The following PIK3CD variants were observed in gnomAD, a reference collection of about 807,000 sequenced individuals.
The protein encoded by PIK3CD is phosphatidylinositol 4,5-bisphosphate 3-kinase catalytic subunit delta isoform.
Under a neutral mutation model 122.9 loss-of-function variants are expected in PIK3CD, and 20 were observed. The observed-to-expected ratio is 0.16, with a 90% CI of 0.11 to 0.24. The LOEUF is 0.24. Among genes scored for constraint, PIK3CD ranks in the 10% least tolerant of loss-of-function variants. The pLI is 1.00. For missense variants in PIK3CD, 787 were observed against 1,406.3 expected (o/e 0.56, Z 7.04); for synonymous variants, 596 against 593.4 (o/e 1.00, Z -0.06).
chr1:9,711,792 G>A (rs951028264), intron 3 of PIK3CD, among the ~76,000 whole-genome samples: 1 of 152,108 alleles, frequency 6.6e-6, no homozygotes, highest in Non-Finnish European at 1.5e-5. Flanking sequence ...ATGTTGCCCA[G>A]GCTAGAATGT....
Position 9,716,024 on chromosome 1 carries a change from C to T in PIK3CD, c.546C>T (p.Thr182=). The T allele has an allele frequency of 2.5e-6, 4 of 1,612,646 alleles. No homozygotes were observed. The highest frequency in any genetic ancestry group is 3.4e-6 in the Non-Finnish European group (4 of 1,179,960). Residue 182 remains threonine, a synonymous_variant, in exon 5 of 24, where the codon ACC becomes ACT. Transcript: ENST00000377346. ...EPSAQTWGPG[T]LRLPNRALLV... is the part of the protein sequence containing the mutation. ...CGGCTCAAACCTGGGGGCCTGGTAC[C>T]CTGCGGCTCCCGAACCGGGCCCTTC... is the stretch of plus-strand genomic sequence containing the variant.
At chr1:9,643,637 G>A in the PIK3CD span, among the ~76,000 whole-genome samples, 1 of 152,160 alleles carries the variant, frequency 6.6e-6, no homozygotes, top group Non-Finnish European at 1.5e-5. Context: ...GGTGCCCTCT[G>A]TGTCAGGTAC....
intron 1 of PIK3CD, chr1:9,672,812 A>G (rs1645372446): frequency 6.6e-6 from 1 of 152,166 alleles, no homozygotes; most frequent in Non-Finnish European, 1.5e-5. Context: ...AATTATTAAG[A>G]TGCATTACCT....
At chr1:9,702,515 T>C (rs1646680698) in intron 2 of PIK3CD, among the ~76,000 whole-genome samples, 1 of 88,290 alleles carries the variant, frequency 1.1e-5, no homozygotes, top group African/African-American at 4.7e-5. Context: ...TTTTTTTTTT[T>C]TTTTTTTTTT....
the PIK3CD span, among the ~76,000 whole-genome samples, chr1:9,638,650 A>T: frequency 1.1e-4 from 16 of 147,894 alleles, no homozygotes; most frequent in Admixed American, 8.1e-4. Flanking sequence ...GAGAATGGCC[A>T]GAACCCGGGA....
chr1:9,629,288 G>C, the PIK3CD span, among the ~76,000 whole-genome samples: 1 of 151,902 alleles, frequency 6.6e-6, no homozygotes, highest in Admixed American at 6.6e-5. Context: ...TTCCCCCCAG[G>C]CTCCTTCTCC....
At chr1:9,702,680 C>T (rs1055759494) in intron 2 of PIK3CD, among the ~76,000 whole-genome samples, 24 of 151,148 alleles carry the variant, frequency 1.6e-4, no homozygotes, top group Non-Finnish European at 3.1e-4. Flanking sequence ...GCCACCATGC[C>T]CGGCTAACTT....
chr1:9,636,070 C>G, the PIK3CD span, among the ~76,000 whole-genome samples: 7 of 152,316 alleles, frequency 4.6e-5, no homozygotes, highest in African/African-American at 1.4e-4. Context: ...TGTGAGCAGA[C>G]AGACAAAAAT....
Position 9,721,553 on chromosome 1 carries a change from C to G in PIK3CD, c.1921C>G (p.Arg641Gly), listed in dbSNP as rs768262076. The change falls in exon 15 of 24, where the codon CGC (arginine) becomes GGC (glycine). Residue 641 changes from arginine (R) to glycine (G), a missense_variant. Arg to Gly is a moderately radical substitution (Grantham distance 125). This residue lies in a region of PIK3CD where 592 missense variants were observed against 920.6 expected (regional missense o/e 0.64). Transcript: ENST00000377346. ...KFLLDRALAN[R>G]KIGHFLFWHL... ...CCTGCTGGACCGGGCCCTGGCCAACCGCAAGATCGGCCACTTCCTTTTCTG... is the reference window on the plus strand; with the variant it reads ...CCTGCTGGACCGGGCCCTGGCCAACGGCAAGATCGGCCACTTCCTTTTCTG... The G allele has an allele frequency of 6.2e-7, 1 of 1,613,670 alleles. No homozygotes were observed. The highest frequency in any genetic ancestry group is 8.5e-7 in the Non-Finnish European group (1 of 1,180,028).
intron 1 of PIK3CD, among the ~76,000 whole-genome samples, chr1:9,669,278 C>T (rs1645251631): frequency 1.3e-5 from 2 of 152,146 alleles, no homozygotes; most frequent in Non-Finnish European, 2.9e-5. Context: ...AAGTGATCCG[C>T]CCACCTAGTA....
At chr1:9,631,080 T>C in the PIK3CD span, among the ~76,000 whole-genome samples, 1 of 152,166 alleles carries the variant, frequency 6.6e-6, no homozygotes, top group Non-Finnish European at 1.5e-5. Flanking sequence ...TGCAGGGTGC[T>C]CTTATCAGAC....
At chr1:9,654,665 G>C (rs536847364) in intron 1 of PIK3CD, 1 of 358,378 alleles carries the variant, frequency 2.8e-6, no homozygotes, top group African/African-American at 2.1e-5. Context: ...CCATTTTTGT[G>C]TAGAGAGCAG....
At chr1:9,691,766 A>G (rs1646205709) in intron 2 of PIK3CD, 195 bp downstream of exon 2, 2 of 380,318 alleles carry the variant, frequency 5.3e-6, no homozygotes, top group African/African-American at 2.1e-5. Context: ...GAAGTGAACT[A>G]GACCTCAGCC....
intron 2 of PIK3CD, among the ~76,000 whole-genome samples, chr1:9,694,830 C>T (rs185166285): frequency 5.3e-5 from 8 of 152,258 alleles, no homozygotes. Flanking sequence ...GGTATTGTGG[C>T]ACATGCTTGT....
chr1:9,719,779 C>A lies in PIK3CD; in HGVS notation c.1243-142C>A. The stretch of plus-strand genomic sequence containing the variant: ...AGGAAAAAGCGGCTCCTCTCCTTCC[C>A]CAAGCAGGGTCTCCCAGGGGTCTGG... On this transcript the variant is annotated intron_variant, in intron 9 of 23. Coordinates refer to ENST00000377346, the MANE Select transcript of PIK3CD (RefSeq NM_005026.5). This position sits in a 1 kb window ranked among gnomAD's most constrained non-coding sequence, Gnocchi z 5.5. 1.3e-6 allele frequency: 1 copy of A among 766,852 alleles called. No individual in the cohort carries two copies. The highest frequency in any genetic ancestry group is 2.3e-6 in the Non-Finnish European group (1 of 427,930). 47.5% of individuals were successfully genotyped at this position (766,852 alleles called of 1,614,324 possible). A position where few individuals can be genotyped will look rare whatever the true frequency, so the allele number is the denominator to read the frequency against.
intron 3 of PIK3CD, among the ~76,000 whole-genome samples, chr1:9,713,933 G>A (rs1025774923): frequency 6.7e-6 from 1 of 149,908 alleles, no homozygotes; most frequent in Non-Finnish European, 1.5e-5. Flanking sequence ...GCTCATGGCA[G>A]CCTCAACCTC....
At chr1:9,668,744 G>A (rs1178044110) in intron 1 of PIK3CD, among the ~76,000 whole-genome samples, 2 of 152,040 alleles carry the variant, frequency 1.3e-5, no homozygotes, top group Non-Finnish European at 2.9e-5. Flanking sequence ...GAGGTAGATG[G>A]TCCCAGAAGG....
At chr1:9,663,042 A>G (rs1468849500) in intron 1 of PIK3CD, among the ~76,000 whole-genome samples, 6 of 152,132 alleles carry the variant, frequency 3.9e-5, no homozygotes, top group Non-Finnish European at 5.9e-5. Context: ...CTCTCTGTCC[A>G]GCCCATAGCT....
rs373285034 is a variant in PIK3CD, at chr1:9,719,251, C to A, written c.1242+336C>A. ...CCTGAGTCAGCGGCTGGCCGGGAGG[C>A]GTAGTGGCTGGGTGCTGAGTCACGG... On this transcript the variant is annotated intron_variant, in intron 9 of 23. Transcript: ENST00000377346. This position sits in a 1 kb window ranked among gnomAD's most constrained non-coding sequence, Gnocchi z 5.5. Among the ~76,000 whole-genome samples the A allele has an allele frequency of 6.6e-6, 1 of 152,236 alleles. No individual in the cohort carries two copies. The highest frequency in any genetic ancestry group is 1.5e-5 in the Non-Finnish European group (1 of 68,036).
Sources: allele counts gnomAD v4.1 joint callset (sites outside exome capture counted in the v4.1 genomes callset), GRCh38; gene constraint gnomAD v4.1.1; regional missense constraint gnomAD v4.1.1; non-coding constraint Gnocchi (gnomAD v3.1); transcripts MANE v1.5; gene names NCBI Gene and HGNC (gene_info 2026-07-23, HGNC 2026-07-21).